Variants in MYOM1 observed in about 807,000 individuals in gnomAD.
The protein encoded by MYOM1 is myomesin-1.
In MYOM1, 164 loss-of-function variants were observed where a neutral mutation model predicts 205.3. The observed-to-expected ratio is 0.80, with a 90% CI of 0.70 to 0.91. The LOEUF (loss-of-function observed/expected upper bound fraction) is 0.91, where lower values mean the gene tolerates loss of function less well. Ranked by LOEUF, MYOM1 falls within the 40% of genes least tolerant of loss-of-function variation. MYOM1 has a pLI of 0.00. For synonymous variants in MYOM1, 772 were observed against 789.4 expected (o/e 0.98, Z 0.37); for missense variants, 2,011 against 2,127.3 (o/e 0.95, Z 1.08).
rs57612060 is a variant in MYOM1, at chr18:3,147,090, C to T, written c.1900+2055G>A. Among the ~76,000 whole-genome samples the T allele has an allele frequency of 2.3e-3, 235 of 103,888 alleles. 1 individual carries two copies. The highest frequency in any genetic ancestry group is 0.02 in the South Asian group (69 of 3,534). The allele number at this position is 103,888 out of a possible 152,430, so 68.2% of individuals were successfully genotyped here. A position where few individuals can be genotyped will look rare whatever the true frequency, so the allele number is the denominator to read the frequency against. ...ATATATCTTATATATAAATATTATA[C>T]ATTATAGATAAATATATATATTTAT... On this transcript the variant is annotated intron_variant, in intron 13 of 37. Transcript: ENST00000356443.
the MYOM1 span, among the ~76,000 whole-genome samples, chr18:3,234,039 G>A: frequency 1.4e-4 from 21 of 152,166 alleles, no homozygotes; most frequent in East Asian, 3.9e-3. Context: ...TATGACCCTG[G>A]GCAGGTCACT....
chr18:3,144,651 T>G (rs371918863), intron 13 of MYOM1, among the ~76,000 whole-genome samples: 1 of 152,150 alleles, frequency 6.6e-6, no homozygotes, highest in East Asian at 1.9e-4. Flanking sequence ...TAATATACCA[T>G]GCTAACACTA....
At chr18:3,070,764 G>A (rs1382725699) in intron 37 of MYOM1, among the ~76,000 whole-genome samples, 1 of 149,980 alleles carries the variant, frequency 6.7e-6, no homozygotes, top group African/African-American at 2.5e-5. Context: ...GTGTGTGTGT[G>A]TGTGTGTGTG....
At chr18:3,228,516 T>TC in the MYOM1 span, among the ~76,000 whole-genome samples, 20 of 152,152 alleles carry the variant, frequency 1.3e-4, no homozygotes, top group African/African-American at 4.8e-4. The surrounding 1 kb of genome is among the most constrained non-coding windows in gnomAD (Gnocchi z 4.5). Flanking sequence ...ATATGGTTTT[T>TC]TTTTTCCTTT....
In MYOM1 at chr18:3,148,905, G is replaced by C. The variant is rs964666970; in HGVS notation, c.1900+240C>G. Among the ~76,000 whole-genome samples the C allele has an allele frequency of 2.8e-5, 4 of 140,566 alleles. No homozygotes were observed. The East Asian group carries it at 8.9e-4, about 31-fold the overall frequency. 92.2% of individuals were successfully genotyped at this position (140,566 alleles called of 152,430 possible). ...GTGATGGTTTCATGGGTATATACAT[G>C]TGTAAAATTTATCAAATTGTACATG... On this transcript the variant is annotated intron_variant, in intron 13 of 37. Transcript: ENST00000356443.
intron 2 of MYOM1, among the ~76,000 whole-genome samples, chr18:3,201,505 A>C (rs79885274): frequency 0.18 from 27,219 of 152,132 alleles, 2,517 homozygotes; most frequent in East Asian, 0.22. Context: ...AATACAAAAG[A>C]CAGTGTGTGT....
chr18:3,151,612 GAAAC>G, intron 12 of MYOM1, 78 bp downstream of exon 12: 1 of 1,306,598 alleles, frequency 7.7e-7, no homozygotes, highest in Non-Finnish European at 1.0e-6. Flanking sequence ...GGAAGGGAGA[GAAAC>G]AACCTTGCAA....
chr18:3,197,274 T>G (rs1037870979), intron 2 of MYOM1, among the ~76,000 whole-genome samples: 2 of 151,924 alleles, frequency 1.3e-5, no homozygotes, highest in African/African-American at 4.8e-5. Context: ...ATAGCTGGGA[T>G]TACAGGCGCA....
At chr18:3,097,606 C>T (rs1275069659) in intron 25 of MYOM1, among the ~76,000 whole-genome samples, 1 of 151,814 alleles carries the variant, frequency 6.6e-6, no homozygotes, top group Non-Finnish European at 1.5e-5. Context: ...AGGGTTTCAC[C>T]ATGTTGACCA....
chr18:3,085,766 C>A (rs1476767839), intron 30 of MYOM1, among the ~76,000 whole-genome samples: 1 of 152,130 alleles, frequency 6.6e-6, no homozygotes, highest in East Asian at 1.9e-4. Flanking sequence ...GAGGCTTAAG[C>A]ACAAATGAAG....
chr18:3,087,465 C>T (rs2079166872), intron 29 of MYOM1, among the ~76,000 whole-genome samples: 1 of 149,938 alleles, frequency 6.7e-6, no homozygotes, highest in African/African-American at 2.5e-5. Flanking sequence ...TCCCAGTGTG[C>T]AAGCTAGGGT....
chr18:3,189,145 A>G lies in MYOM1; in HGVS notation c.432-58T>C, dbSNP rs774339157. 1.8e-5 allele frequency: 27 copies of G among 1,503,590 alleles called. No individual in the cohort carries two copies. The highest frequency in any genetic ancestry group is 2.3e-5 in the Non-Finnish European group (26 of 1,106,494). 93.1% of individuals were successfully genotyped at this position (1,503,590 alleles called of 1,614,324 possible). On this transcript the variant is annotated intron_variant, in intron 3 of 37. Coordinates refer to ENST00000356443, the MANE Select transcript of MYOM1 (RefSeq NM_003803.4). This position sits in a 1 kb window ranked among gnomAD's most constrained non-coding sequence, Gnocchi z 4.8. ...GTGGATGGCAGTGATAAGATTGAGT[A>G]ATTTTACTAAGTTCAAAGTACCACA... is the stretch of plus-strand genomic sequence containing the variant.
At position 3,096,285 on chromosome 18, in the gene MYOM1, G is replaced by A. The variant is rs146411573; in HGVS notation, c.3728-1979C>T. Among the ~76,000 whole-genome samples, 553 of 152,162 alleles carry A rather than the reference G, an allele frequency of 3.6e-3. 3 individuals are homozygous for A. The highest frequency in any genetic ancestry group is 4.9e-3 in the Non-Finnish European group (332 of 68,002). On this transcript the variant is annotated intron_variant, in intron 25 of 37. Coordinates refer to ENST00000356443, the MANE Select transcript of MYOM1 (RefSeq NM_003803.4). ...TGTTCTTCCCCTCTAAAATCAAATC[G>A]CCACAATACCAACCCTTTTAAGGTC...
the MYOM1 span, among the ~76,000 whole-genome samples, chr18:3,226,718 G>T: frequency 6.6e-6 from 1 of 152,118 alleles, no homozygotes; most frequent in Admixed American, 6.5e-5. This position sits in a 1 kb window ranked among gnomAD's most constrained non-coding sequence, Gnocchi z 4.6. Flanking sequence ...GGTAGGAGCG[G>T]GATCTCTATG....
chr18:3,089,398 A>T, intron 28 of MYOM1, 139 bp downstream of exon 28: 6 of 798,172 alleles, frequency 7.5e-6, no homozygotes, highest in Non-Finnish European at 1.2e-5. Flanking sequence ...TTTAACAGTA[A>T]ATATTTTTAA....
chr18:3,147,688 T>G (rs1429060337), intron 13 of MYOM1, among the ~76,000 whole-genome samples: 1 of 152,194 alleles, frequency 6.6e-6, no homozygotes, highest in Admixed American at 6.5e-5. Context: ...CAGAAATTGA[T>G]CCACACATAT....
At chr18:3,161,382 C>A (rs746727363) in intron 10 of MYOM1, among the ~76,000 whole-genome samples, 2 of 152,198 alleles carry the variant, frequency 1.3e-5, no homozygotes, top group Non-Finnish European at 2.9e-5. Context: ...AGTACTAGGA[C>A]CCCTGAGCGT....
rs2080242651 is a variant in MYOM1 at position 3,152,956 on chromosome 18, T to A, written c.1644-1063A>T. On this transcript the variant is annotated intron_variant, in intron 11 of 37. Transcript: ENST00000356443. This position sits in a 1 kb window ranked among gnomAD's most constrained non-coding sequence, Gnocchi z 4.3. ...AAAGTGCTGTCAAATGTGGCTTCAA[T>A]CCCTGCCTTCCATCATTTCCCCTAA... is the stretch of plus-strand genomic sequence containing the variant. 6.6e-6 allele frequency among the ~76,000 whole-genome samples: 1 copy of A among 152,176 alleles called. No homozygotes were observed. Among genetic ancestry groups the A allele is most frequent in the African/African-American group, 2.4e-5 (1 of 41,444 alleles).
intron 26 of MYOM1, among the ~76,000 whole-genome samples, chr18:3,092,527 A>G (rs1250427062): frequency 6.6e-6 from 1 of 151,916 alleles, no homozygotes; most frequent in African/African-American, 2.4e-5. Context: ...TAGCCCTATT[A>G]GACTATACTT....
Sources: gnomAD v4.1 joint callset for allele counts (sites outside exome capture counted in the v4.1 genomes callset) on GRCh38, gnomAD v4.1.1 for gene constraint, Gnocchi (gnomAD v3.1) non-coding constraint, MANE v1.5 for transcripts, NCBI Gene and HGNC (gene_info 2026-07-23, HGNC 2026-07-21) for gene names.